Variants in GDI2 observed in about 807,000 individuals in gnomAD.
GDI2 encodes GDP dissociation inhibitor 2.
A neutral mutation model predicts 54.2 loss-of-function variants in GDI2; 22 were observed. The observed-to-expected ratio is 0.41, with a 90% CI of 0.29 to 0.58. The LOEUF (loss-of-function observed/expected upper bound fraction) is 0.58. GDI2 is among the 20% of genes least tolerant of loss of function. The pLI is 0.35. For synonymous variants in GDI2, 177 were observed against 182.1 expected (o/e 0.97, Z 0.23); for missense variants, 422 against 546.0 (o/e 0.77, Z 2.26).
chr10:5,787,615 T>G (rs1840909781), intron 4 of GDI2, among the ~76,000 whole-genome samples: 1 of 152,208 alleles, frequency 6.6e-6, no homozygotes, highest in Admixed American at 6.5e-5. Flanking sequence ...GTACACACAG[T>G]AAAGGCATAA....
rs899556338 is a variant in GDI2, at chr10:5,774,334, T to C, written c.720-393A>G. Among the ~76,000 whole-genome samples, 13 of 152,264 alleles carry C rather than the reference T, an allele frequency of 8.5e-5. No homozygotes were observed. The highest frequency in any genetic ancestry group is 3.1e-4 in the African/African-American group (13 of 41,558). ...TCTTCTGAGGAGAAAAGAACTGAGG[T>C]TGCTGCAGACCCGTACGGATTCATC... On this transcript the variant is annotated intron_variant, in intron 6 of 10. Coordinates refer to ENST00000380191, the MANE Select transcript of GDI2 (RefSeq NM_001494.4). This position sits in a 1 kb window ranked among gnomAD's most constrained non-coding sequence, Gnocchi z 4.8.
chr10:5,794,185 AAAAATATAT>A (rs1220496688), intron 4 of GDI2, among the ~76,000 whole-genome samples: 1,321 of 46,310 alleles, frequency 0.029, 7 homozygotes, highest in Admixed American at 0.054. Context: ...AAAAAAAAAA[AAAAATATAT>A]ATATATATAT....
At chr10:5,798,366 T>C (rs1227798367) in intron 2 of GDI2, among the ~76,000 whole-genome samples, 3 of 152,064 alleles carry the variant, frequency 2.0e-5, no homozygotes, top group Non-Finnish European at 4.4e-5. Context: ...GGCAGGCAGA[T>C]CACCTGAGAC....
In GDI2 at chr10:5,794,172, GAA is replaced by G. The variant is rs1256206663; in HGVS notation, c.388+711_388+712del. On this transcript the variant is annotated intron_variant, in intron 4 of 10. Transcript: ENST00000380191. ...ACAGAGCGAGACTCTGTCTTTAAAA[GAA>G]AAAAAAAAAAAAAAATATATATATA... Among the ~76,000 whole-genome samples, 33 of 27,960 alleles carry G rather than the reference GAA, an allele frequency of 1.2e-3. 1 individual carries two copies. The highest frequency in any genetic ancestry group is 9.2e-3 in the East Asian group (10 of 1,088). The allele number at this position is 27,960 out of a possible 152,430, so 18.3% of individuals were successfully genotyped here.
At chr10:5,786,105 A>G (rs1480419092) in intron 4 of GDI2, 55 bp from the exon 5 acceptor site, 2 of 1,174,826 alleles carry the variant, frequency 1.7e-6, no homozygotes, top group Non-Finnish European at 2.5e-6. Flanking sequence ...ATTGAGGAGA[A>G]CGAAGTATGA....
At chr10:5,786,351 G>A (rs1038180391) in intron 4 of GDI2, among the ~76,000 whole-genome samples, 7 of 151,546 alleles carry the variant, frequency 4.6e-5, no homozygotes, top group African/African-American at 1.7e-4. Context: ...TTGTACTTTT[G>A]GTAGAAACAA....
At chr10:5,810,405 A>C (rs551116190) in intron 1 of GDI2, among the ~76,000 whole-genome samples, 1 of 152,338 alleles carries the variant, frequency 6.6e-6, no homozygotes, top group Admixed American at 6.5e-5. Context: ...ATAGTGAACT[A>C]TGTGCAAATT....
Position 5,813,370 on chromosome 10 carries a change from G to T in GDI2, c.-112C>A, listed in dbSNP as rs1464078950. 2 of 743,740 alleles carry T rather than the reference G, an allele frequency of 2.7e-6. No homozygotes were observed. Among genetic ancestry groups the T allele is most frequent in the Non-Finnish European group, 4.4e-6 (2 of 457,052 alleles). 46.1% of individuals were successfully genotyped at this position (743,740 alleles called of 1,614,324 possible). A position where few individuals can be genotyped will look rare whatever the true frequency, so the allele number is the denominator to read the frequency against. On this transcript the variant is annotated 5_prime_UTR_variant, in exon 1 of 11. Transcript: ENST00000380191. The stretch of plus-strand genomic sequence containing the variant: ...GGCGCGAAGGAAAGGGGAAGAGAAA[G>T]AGAGGAAAATGGAGCTGGCGACAAG...
chr10:5,805,137 C>T (rs566969677), intron 1 of GDI2, among the ~76,000 whole-genome samples: 12 of 152,012 alleles, frequency 7.9e-5, no homozygotes, highest in Non-Finnish European at 1.2e-4. Flanking sequence ...CGGCTACTAT[C>T]GGGAGCTTTT....
intron 4 of GDI2, among the ~76,000 whole-genome samples, chr10:5,792,384 G>T (rs1841037985): frequency 6.6e-6 from 1 of 152,168 alleles, no homozygotes; most frequent in Non-Finnish European, 1.5e-5. Context: ...TGCCTAGCAT[G>T]TAAGTGCTCA....
Position 5,766,646 on chromosome 10 carries a change from CAA to C in GDI2, c.992-10_992-9del. The C allele has an allele frequency of 6.2e-7, 1 of 1,612,026 alleles. No homozygotes were observed. Among genetic ancestry groups the C allele is most frequent in the Non-Finnish European group, 8.5e-7 (1 of 1,178,118 alleles). On this transcript the variant is annotated splice_polypyrimidine_tract_variant and intron_variant, in intron 8 of 10. Coordinates refer to ENST00000380191, the MANE Select transcript of GDI2 (RefSeq NM_001494.4). This position sits in a 1 kb window ranked among gnomAD's most constrained non-coding sequence, Gnocchi z 5.8. ...TCATGCAGACGTAGATATCTAGAAACAAATGATACCAGCTCACTGCCTCAAGT... is the reference window on the plus strand; with the variant it reads ...TCATGCAGACGTAGATATCTAGAAACATGATACCAGCTCACTGCCTCAAGT...
At position 5,776,539 on chromosome 10, in the gene GDI2, G is replaced by A; in HGVS notation, c.720-2598C>T. 6.5e-7 allele frequency: 1 copy of A among 1,547,618 alleles called. No homozygotes were observed. Among genetic ancestry groups the A allele is most frequent in the Non-Finnish European group, 8.9e-7 (1 of 1,123,080 alleles). Reference sequence around the variant, plus strand: ...ACAATTATAGAGAAGCAGATTTGAAGAGGCATGTGGAATTCCTTGTGGCTG... The same window carrying A: ...ACAATTATAGAGAAGCAGATTTGAAAAGGCATGTGGAATTCCTTGTGGCTG... On this transcript the variant is annotated intron_variant, in intron 6 of 10. Coordinates refer to ENST00000380191, the MANE Select transcript of GDI2 (RefSeq NM_001494.4). The surrounding 1 kb of genome is among the most constrained non-coding windows in gnomAD (Gnocchi z 5.3).
intron 6 of GDI2, among the ~76,000 whole-genome samples, chr10:5,784,724 A>T (rs899795006): frequency 1.3e-5 from 2 of 152,226 alleles, no homozygotes; most frequent in African/African-American, 4.8e-5. Context: ...CAGTGGAGAT[A>T]ATCAGGCTCT....
In GDI2 at chr10:5,768,066, G is replaced by C. The variant is rs1311506529; in HGVS notation, c.991+147C>G. 2 of 627,320 alleles carry C rather than the reference G, an allele frequency of 3.2e-6. No individual in the cohort carries two copies. The highest frequency in any genetic ancestry group is 1.9e-5 in the African/African-American group (1 of 52,614). 38.9% of individuals were successfully genotyped at this position (627,320 alleles called of 1,614,324 possible). Reference sequence around the variant, plus strand: ...GCGTTGACACAATGCTGCCGGAGCAGGAGGAGGTACAAAGATTTTTTTCCC... The same window carrying C: ...GCGTTGACACAATGCTGCCGGAGCACGAGGAGGTACAAAGATTTTTTTCCC... On this transcript the variant is annotated intron_variant, in intron 8 of 10. Coordinates refer to ENST00000380191, the MANE Select transcript of GDI2 (RefSeq NM_001494.4). This position sits in a 1 kb window ranked among gnomAD's most constrained non-coding sequence, Gnocchi z 4.4.
At chr10:5,790,322 A>C (rs1436234690) in intron 4 of GDI2, among the ~76,000 whole-genome samples, 1 of 152,152 alleles carries the variant, frequency 6.6e-6, no homozygotes, top group East Asian at 1.9e-4. Context: ...TCTATAGCTT[A>C]CTTGATTGTA....
intron 7 of GDI2, among the ~76,000 whole-genome samples, chr10:5,772,759 C>T (rs1472663965): frequency 6.6e-6 from 1 of 152,018 alleles, no homozygotes; most frequent in Non-Finnish European, 1.5e-5. Flanking sequence ...GATTTGATGT[C>T]TCAAATAAAT....
In GDI2 at chr10:5,785,279, A is replaced by G; in HGVS notation, c.588-6T>C. On this transcript the variant is annotated splice_region_variant and splice_polypyrimidine_tract_variant and intron_variant, in intron 5 of 10. Coordinates refer to ENST00000380191, the MANE Select transcript of GDI2 (RefSeq NM_001494.4). Reference sequence around the variant, plus strand: ...AACACGGTTGATCTAAGTAACTGGAAGAAAGGAAATGAGTATTAGGAAAGG... The same window carrying G: ...AACACGGTTGATCTAAGTAACTGGAGGAAAGGAAATGAGTATTAGGAAAGG... The G allele has an allele frequency of 1.3e-6, 2 of 1,581,920 alleles. No individual in the cohort carries two copies. The highest frequency in any genetic ancestry group is 1.1e-5 in the South Asian group (1 of 88,694).
At chr10:5,773,652 C>A (rs1840548590) in intron 7 of GDI2, among the ~76,000 whole-genome samples, 190 bp downstream of exon 7, 1 of 151,782 alleles carries the variant, frequency 6.6e-6, no homozygotes, top group African/African-American at 2.4e-5. Flanking sequence ...TTAAAATAAT[C>A]AACAACTGAC....
chr10:5,788,800 G>A (rs890347640), intron 4 of GDI2, among the ~76,000 whole-genome samples: 2 of 151,332 alleles, frequency 1.3e-5, no homozygotes, highest in African/African-American at 2.4e-5. Flanking sequence ...TCACTCTGTC[G>A]CCCAGGCTAG....
Sources: allele counts gnomAD v4.1 joint callset (sites outside exome capture counted in the v4.1 genomes callset), GRCh38; gene constraint gnomAD v4.1.1; non-coding constraint Gnocchi (gnomAD v3.1); transcripts MANE v1.5; gene names NCBI Gene and HGNC (gene_info 2026-07-23, HGNC 2026-07-21).